Variants in TUBGCP3 observed in about 807,000 individuals in gnomAD.
The protein encoded by TUBGCP3 is gamma-tubulin complex component 3.
A neutral mutation model predicts 123.1 loss-of-function variants in TUBGCP3; 50 were observed. The ratio of observed to expected loss-of-function variants is 0.41; its 90% CI spans 0.32 to 0.51. TUBGCP3 has a LOEUF of 0.51. TUBGCP3 is among the 20% of genes least tolerant of loss of function. The pLI, the probability that TUBGCP3 is intolerant of heterozygous loss-of-function variation, is 0.36. For missense variants in TUBGCP3, 882 were observed against 1,127.0 expected (o/e 0.78, Z 3.11); for synonymous variants, 405 against 413.9 (o/e 0.98, Z 0.26).
At chr13:112,547,572 G>C (rs764753801) in intron 10 of TUBGCP3, 48 bp downstream of exon 10, 56 of 1,429,160 alleles carry the variant, frequency 3.9e-5, no homozygotes, top group Non-Finnish European at 4.9e-5. Flanking sequence ...TCGCGCGTGG[G>C]AAAGTCGCGC....
intron 20 of TUBGCP3, among the ~76,000 whole-genome samples, chr13:112,492,312 C>T (rs955044649): frequency 1.8e-4 from 27 of 152,180 alleles, no homozygotes; most frequent in African/African-American, 6.3e-4. Flanking sequence ...TACACTACTT[C>T]CCATCTTTTC....
the TUBGCP3 span, among the ~76,000 whole-genome samples, chr13:112,596,309 A>G: frequency 6.6e-6 from 1 of 152,200 alleles, no homozygotes; most frequent in Non-Finnish European, 1.5e-5. Context: ...GTATGATGGC[A>G]GCAAATTCTT....
At chr13:112,544,262 G>A (rs1398517686) in intron 11 of TUBGCP3, among the ~76,000 whole-genome samples, 9 of 151,922 alleles carry the variant, frequency 5.9e-5, no homozygotes, top group Non-Finnish European at 1.3e-4. Flanking sequence ...GACCATCCTG[G>A]CTAACACAGT....
intron 16 of TUBGCP3, among the ~76,000 whole-genome samples, chr13:112,517,732 A>G (rs1876269256): frequency 6.6e-6 from 1 of 152,088 alleles, no homozygotes; most frequent in African/African-American, 2.4e-5. Flanking sequence ...CTCTACTAAA[A>G]ATACAAAAAT....
Position 112,587,933 on chromosome 13 carries a change from C to T in TUBGCP3, c.48G>A (p.Leu16=). The change falls in exon 1 of 22, where the codon CTG becomes CTA. Residue 16 remains leucine, a synonymous_variant. Transcript: ENST00000261965. ...CGCTCCTGCCCAGGATCCTGCAGCA[C>T]AGGTTCTGCAGCAGAACGTTCGGCG... ...QKSPNVLLQN[L]CCRILGRSEA... is the part of the protein sequence containing the mutation. 2 of 1,594,186 alleles carry T rather than the reference C, an allele frequency of 1.3e-6. No homozygotes were observed. Among genetic ancestry groups the T allele is most frequent in the East Asian group, 4.7e-5 (2 of 42,468 alleles).
intron 17 of TUBGCP3, among the ~76,000 whole-genome samples, chr13:112,506,491 C>T (rs991520832): frequency 6.6e-6 from 1 of 152,220 alleles, no homozygotes; most frequent in African/African-American, 2.4e-5. Context: ...GATGCACTCT[C>T]AGCTCTAAGA....
In TUBGCP3 at chr13:112,489,565, G is replaced by A. The variant is rs773370420; in HGVS notation, c.2565+16C>T. The A allele has an allele frequency of 1.3e-6, 2 of 1,576,296 alleles. No homozygotes were observed. The highest frequency in any genetic ancestry group is 8.7e-7 in the Non-Finnish European group (1 of 1,145,544). On this transcript the variant is annotated intron_variant, in intron 21 of 21. Coordinates refer to ENST00000261965, the MANE Select transcript of TUBGCP3 (RefSeq NM_006322.6). ...GCAGAGTGGTGTGAAGAGCCACTCT[G>A]TATCCTCATACACACCTGGTAGAAA...
In TUBGCP3 at chr13:112,545,273, AGAACT is replaced by A. The variant is rs1878893402; in HGVS notation, c.1335+421_1335+425del. ...TTTTAAGCAGCACATGCTGCGTTACAGAACTGACCCTATTTCAATAGCTACATACA... is the reference window on the plus strand; with the variant it reads ...TTTTAAGCAGCACATGCTGCGTTACAGACCCTATTTCAATAGCTACATACA... On this transcript the variant is annotated intron_variant, in intron 11 of 21. Transcript: ENST00000261965. This position sits in a 1 kb window ranked among gnomAD's most constrained non-coding sequence, Gnocchi z 4.1. The A allele has an allele frequency of 5.9e-6, 1 of 170,618 alleles. No individual in the cohort carries two copies. The highest frequency in any genetic ancestry group is 5.6e-5 in the Admixed American group (1 of 17,838). 10.6% of individuals were successfully genotyped at this position (170,618 alleles called of 1,614,324 possible). A position where few individuals can be genotyped will look rare whatever the true frequency, so the allele number is the denominator to read the frequency against.
chr13:112,598,945 CAA>C, the TUBGCP3 span, among the ~76,000 whole-genome samples: 4 of 71,588 alleles, frequency 5.6e-5, no homozygotes, highest in Admixed American at 1.5e-4. Context: ...GACTCCGTCT[CAA>C]AAAAAAAAAA....
chr13:112,600,357 G>C, the TUBGCP3 span, among the ~76,000 whole-genome samples: 7 of 152,258 alleles, frequency 4.6e-5, no homozygotes, highest in South Asian at 1.2e-3. Flanking sequence ...ACGAGCTTCT[G>C]ATTGATTGAC....
chr13:112,593,913 T>C, the TUBGCP3 span, among the ~76,000 whole-genome samples: 1 of 152,036 alleles, frequency 6.6e-6, no homozygotes, highest in Non-Finnish European at 1.5e-5. Context: ...TTTTAAAATG[T>C]TTAAAAAAAT....
chr13:112,506,465 G>C (rs1312620640), intron 17 of TUBGCP3, among the ~76,000 whole-genome samples: 5 of 152,178 alleles, frequency 3.3e-5, no homozygotes, highest in African/African-American at 1.2e-4. Flanking sequence ...GTGAACTATA[G>C]CGTCCACAGT....
Position 112,519,872 on chromosome 13 carries a change from C to G in TUBGCP3, c.1881+14G>C. ...GTGCCGGGGCGGCGTTCCCAACACGCAGAGCCGCAGTACCTCCAGCAGCCG... is the reference window on the plus strand; with the variant it reads ...GTGCCGGGGCGGCGTTCCCAACACGGAGAGCCGCAGTACCTCCAGCAGCCG... On this transcript the variant is annotated intron_variant, in intron 15 of 21. Transcript: ENST00000261965. The surrounding 1 kb of genome is among the most constrained non-coding windows in gnomAD (Gnocchi z 6.2). 1 of 1,610,066 alleles carries G rather than the reference C, an allele frequency of 6.2e-7. No individual in the cohort carries two copies. The highest frequency in any genetic ancestry group is 8.5e-7 in the Non-Finnish European group (1 of 1,177,268).
the TUBGCP3 span, among the ~76,000 whole-genome samples, chr13:112,598,940 C>T: frequency 5.6e-3 from 712 of 127,998 alleles, 2 homozygotes; most frequent in South Asian, 0.011. Context: ...AGCGAGACTC[C>T]GTCTCAAAAA....
rs148350909 is a variant in TUBGCP3 at position 112,575,999 on chromosome 13, C to T, written c.77-6740G>A. 1.1e-3 allele frequency among the ~76,000 whole-genome samples: 161 copies of T among 152,312 alleles called. 1 individual carries two copies. Among genetic ancestry groups the T allele is most frequent in the Admixed American group, 4.6e-3 (71 of 15,294 alleles). On this transcript the variant is annotated intron_variant, in intron 1 of 21. Coordinates refer to ENST00000261965, the MANE Select transcript of TUBGCP3 (RefSeq NM_006322.6). ...GTCTCCAGAAACACAGGGGAATAAACGAACTAATTTGTAATAATTTGTTAC... is the reference window on the plus strand; with the variant it reads ...GTCTCCAGAAACACAGGGGAATAAATGAACTAATTTGTAATAATTTGTTAC...
chr13:112,486,214 C>G (rs982727852), intron 21 of TUBGCP3, 63 bp from the exon 22 acceptor site: 1 of 1,584,388 alleles, frequency 6.3e-7, no homozygotes, highest in Non-Finnish European at 8.6e-7. Flanking sequence ...AACGTATTCC[C>G]CGGACCTTAA....
At chr13:112,581,103 A>C in intron 1 of TUBGCP3, among the ~76,000 whole-genome samples, 1 of 151,920 alleles carries the variant, frequency 6.6e-6, no homozygotes, top group East Asian at 1.9e-4. Flanking sequence ...TGCTCCCCAC[A>C]TTGCACTCCT....
At chr13:112,577,472 GA>G (rs959038881) in intron 1 of TUBGCP3, among the ~76,000 whole-genome samples, 3 of 150,650 alleles carry the variant, frequency 2.0e-5, no homozygotes, top group Admixed American at 6.6e-5. Flanking sequence ...TCAAGATCAT[GA>G]AAAAAAAAGT....
upstream of TUBGCP3, among the ~76,000 whole-genome samples, chr13:112,589,200 T>C (rs753056360): frequency 2.6e-5 from 4 of 152,232 alleles, no homozygotes; most frequent in Non-Finnish European, 5.9e-5. Context: ...AGTTAGTAAC[T>C]GGCTTCTCAT....
Sources: gnomAD v4.1 joint callset for allele counts (sites outside exome capture counted in the v4.1 genomes callset) on GRCh38, gnomAD v4.1.1 for gene constraint, Gnocchi (gnomAD v3.1) non-coding constraint, MANE v1.5 for transcripts, NCBI Gene and HGNC (gene_info 2026-07-23, HGNC 2026-07-21) for gene names.